The following TPM1 variants were observed in gnomAD, a reference collection of about 807,000 sequenced individuals.
TPM1 encodes tropomyosin 1.
Under a neutral mutation model 42.9 loss-of-function variants are expected in TPM1, and 24 were observed. That is an observed-to-expected ratio of 0.56 (90% confidence interval 0.41 to 0.79). The LOEUF is 0.79. Among genes scored for constraint, TPM1 ranks in the 30% least tolerant of loss-of-function variants. The pLI is 0.00. For missense variants in TPM1, 158 were observed against 351.8 expected, an observed-to-expected ratio of 0.45 and a Z score of 4.41; for synonymous variants, 136 against 130.1, an observed-to-expected ratio of 1.05 and a Z score of -0.31.
At chr15:63,063,264 G>C in intron 8 of TPM1, 1 of 985,378 alleles carries the variant, frequency 1.0e-6, no homozygotes, top group Non-Finnish European at 1.2e-6. Context: ...AAAGAAAAAA[G>C]ACAAATATCT....
At position 63,042,816 on chromosome 15, in the gene TPM1, T is replaced by TCGC; in HGVS notation, c.-6_-4dup. 6.2e-7 allele frequency: 1 copy of TCGC among 1,610,638 alleles called. No homozygotes were observed. The highest frequency in any genetic ancestry group is 8.5e-7 in the Non-Finnish European group (1 of 1,177,798). ...GCTCCTGCTGCAGCCCCAGGGCCCC[T>TCGC]CGCCGCCGCCACCATGGACGCCATC... On this transcript the variant is annotated 5_prime_UTR_variant, in exon 1 of 10. Transcript: ENST00000403994.
chr15:63,049,181 C>T, intron 2 of TPM1: 1 of 189,434 alleles, frequency 5.3e-6, no homozygotes, highest in South Asian at 7.2e-5. Context: ...ATGCTACACT[C>T]CGCCGTTCCC....
At chr15:63,061,106 G>T (rs934885054) in intron 5 of TPM1, 167 bp downstream of exon 5, 4 of 1,470,418 alleles carry the variant, frequency 2.7e-6, no homozygotes, top group Non-Finnish European at 3.8e-6. Flanking sequence ...CTCGTGTGGG[G>T]TGTCTTATGT....
At chr15:63,063,056 AAAGT>A in intron 8 of TPM1, 1 of 983,772 alleles carries the variant, frequency 1.0e-6, no homozygotes, top group Non-Finnish European at 1.2e-6. Context: ...GTATGAATTC[AAAGT>A]AAGGATTTAG....
chr15:63,053,239 A>G (rs1039762658), intron 2 of TPM1, among the ~76,000 whole-genome samples: 2 of 152,186 alleles, frequency 1.3e-5, no homozygotes, highest in African/African-American at 4.8e-5. Context: ...GATGATTTGC[A>G]TTGCAGCAAC....
Position 63,048,336 on chromosome 15 carries a change from C to A in TPM1, c.240+4184C>A, listed in dbSNP as rs954433398. On this transcript the variant is annotated intron_variant, in intron 2 of 9. Coordinates refer to ENST00000403994, the MANE Select transcript of TPM1 (RefSeq NM_001018005.2). ...GCATGCGCAGTGCCCCCAGCCAGTC[C>A]CGGGATCCACGGCGCGCGCCCCTCC... The A allele has an allele frequency of 1.1e-5, 12 of 1,111,470 alleles. No individual in the cohort carries two copies. In the African/African-American group the frequency reaches 1.4e-4, roughly 13 times the overall value. The allele number at this position is 1,111,470 out of a possible 1,614,324, so 68.9% of individuals were successfully genotyped here.
At chr15:63,069,814 G>A (rs527747119), downstream of TPM1, 1 of 1,611,304 alleles carries the variant, frequency 6.2e-7, no homozygotes, top group South Asian at 1.1e-5. Flanking sequence ...CACCAAGTCT[G>A]CTAACCTGTC....
In TPM1 at chr15:63,044,242, T is replaced by C. The variant is rs144106302; in HGVS notation, c.240+90T>C. 468 of 1,599,530 alleles carry C rather than the reference T, an allele frequency of 2.9e-4. No homozygotes were observed. In the African/African-American group the frequency reaches 5.7e-3, roughly 19 times the overall value. On this transcript the variant is annotated intron_variant, in intron 2 of 9. Coordinates refer to ENST00000403994, the MANE Select transcript of TPM1 (RefSeq NM_001018005.2). ...GGGCTGGAGAGCAATGAAGGAAGTT[T>C]ACCTTTTCCTGCTGGACACCTGCAC...
chr15:63,069,948 A>G, downstream of TPM1: 2 of 1,613,940 alleles, frequency 1.2e-6, no homozygotes, highest in Non-Finnish European at 1.7e-6. Context: ...GATTAAACTT[A>G]AGAGTGAAAA....
At chr15:63,065,438 C>G in intron 9 of TPM1, 1 of 985,332 alleles carries the variant, frequency 1.0e-6, no homozygotes, top group Non-Finnish European at 1.2e-6. Context: ...GTTATAGAAT[C>G]CCCACAGTCA....
At position 63,066,115 on chromosome 15, in the gene TPM1, ACTT is replaced by A. The variant is rs1260213883; in HGVS notation, c.*220_*222del. ...GCTATTTCTGTTTGCTATTCTTTTT[ACTT>A]CTTATTTATTGACATTTTAGTTTCA... is the stretch of plus-strand genomic sequence containing the variant. On this transcript the variant is annotated 3_prime_UTR_variant, in exon 10 of 10. Coordinates refer to ENST00000403994, the MANE Select transcript of TPM1 (RefSeq NM_001018005.2). The A allele has an allele frequency of 1.5e-5, 23 of 1,487,688 alleles. No homozygotes were observed. Among genetic ancestry groups the A allele is most frequent in the Non-Finnish European group, 1.9e-5 (21 of 1,127,864 alleles). The allele number at this position is 1,487,688 out of a possible 1,614,324, so 92.2% of individuals were successfully genotyped here.
intron 2 of TPM1, chr15:63,045,346 CT>C (rs5813188): frequency 0.14 from 20,793 of 152,130 alleles, 1,812 homozygotes; most frequent in East Asian, 0.44. Context: ...ATCAAGCTTC[CT>C]GGAAAGGGGA....
chr15:63,044,030 G>T lies in TPM1; in HGVS notation c.118G>T (p.Glu40Ter), dbSNP rs104894501. 14 of 1,613,832 alleles carry T rather than the reference G, an allele frequency of 8.7e-6. No homozygotes were observed. The highest frequency in any genetic ancestry group is 1.1e-5 in the Non-Finnish European group (13 of 1,179,944). ...KAAEDRSKQL[E>*]DELVSLQKKL... ...GTACCCCCTGGCCAACTCCCAGCTG[G>T]AAGATGAGCTGGTGTCACTGCAAAA... Residue 40 changes from glutamate (E) to a stop codon, truncating the protein, a stop_gained, in exon 2 of 10, where the codon GAA (glutamate) becomes TAA (stop). Coordinates refer to ENST00000403994, the MANE Select transcript of TPM1 (RefSeq NM_001018005.2). LOFTEE classifies it high-confidence loss of function.
At chr15:63,061,854 G>A (rs2035683367) in intron 6 of TPM1, 66 bp downstream of exon 6, 6 of 1,399,252 alleles carry the variant, frequency 4.3e-6, no homozygotes, top group Non-Finnish European at 6.1e-6. Context: ...GGCCCTGCCA[G>A]AAAGCAACAC....
intron 1 of TPM1, chr15:63,043,656 T>C (rs2031698219): frequency 1.3e-6 from 2 of 1,536,134 alleles, no homozygotes. Flanking sequence ...TGTGTGTGTC[T>C]AACACCCGGT....
At chr15:63,069,064 A>G (rs1194092023), downstream of TPM1, among the ~76,000 whole-genome samples, 4 of 148,508 alleles carry the variant, frequency 2.7e-5, no homozygotes, top group African/African-American at 4.9e-5. Context: ...GAGGCAGGAG[A>G]TTGGCATGAA....
chr15:63,058,721 TAAAA>T (rs1378788587), intron 3 of TPM1, among the ~76,000 whole-genome samples: 2 of 151,982 alleles, frequency 1.3e-5, no homozygotes, highest in Non-Finnish European at 2.9e-5. Context: ...AAAATAAAAA[TAAAA>T]AAATAGTGGT....
intron 2 of TPM1, chr15:63,048,807 T>A (rs1373659548): frequency 1.4e-6 from 2 of 1,466,264 alleles, no homozygotes; most frequent in Non-Finnish European, 1.8e-6. Context: ...CCCCGGTCCC[T>A]CGTCCCCACG....
At chr15:63,064,325 G>A (rs1261606662) in intron 9 of TPM1, 183 bp downstream of exon 9, 2 of 1,497,908 alleles carry the variant, frequency 1.3e-6, no homozygotes, top group Non-Finnish European at 1.8e-6. Flanking sequence ...ATTAGATTAA[G>A]TCTGTCTATA....
Sources: gnomAD v4.1 joint callset for allele counts (sites outside exome capture counted in the v4.1 genomes callset) on GRCh38, gnomAD v4.1.1 for gene constraint, MANE v1.5 for transcripts, NCBI Gene and HGNC (gene_info 2026-07-23, HGNC 2026-07-21) for gene names.